Variants in DPP6 observed in about 807,000 individuals in gnomAD.
The protein encoded by DPP6 is dipeptidyl peptidase like 6.
Under a neutral mutation model 122.6 loss-of-function variants are expected in DPP6, and 69 were observed. That is an observed-to-expected ratio of 0.56 (90% CI 0.46 to 0.69). DPP6 has a LOEUF of 0.69. DPP6 is among the 30% of genes least tolerant of loss of function. The pLI, the probability that DPP6 is intolerant of heterozygous loss-of-function variation, is 0.00. For synonymous variants in DPP6, 418 were observed against 433.1 expected (o/e 0.97, Z 0.43); for missense variants, 928 against 1,116.9 (o/e 0.83, Z 2.41).
chr7:154,714,589 A>C (rs12672556), intron 7 of DPP6, among the ~76,000 whole-genome samples: 20,012 of 152,142 alleles, frequency 0.13, 1,637 homozygotes, highest in East Asian at 0.28. Context: ...TGTGAGAACT[A>C]ACTCACTATC....
In DPP6 at chr7:154,152,861, C is replaced by T. The variant is rs183642395; in HGVS notation, c.243+99798C>T. Among the ~76,000 whole-genome samples, 83 of 152,316 alleles carry T rather than the reference C, an allele frequency of 5.4e-4. No individual in the cohort carries two copies. The East Asian group carries it at 0.013, about 24-fold the overall frequency. ...AATCAGAAACAAGCCCTTGACTTGC[C>T]GGAGTTGGAAGACTGCAAGTACCTG... On this transcript the variant is annotated intron_variant, in intron 1 of 25. Transcript: ENST00000377770.
intron 1 of DPP6, among the ~76,000 whole-genome samples, chr7:154,137,545 G>A (rs1795617863): frequency 1.3e-5 from 2 of 150,936 alleles, no homozygotes; most frequent in Non-Finnish European, 2.9e-5. Context: ...TACACACATT[G>A]CAGAGCAGGC....
At chr7:154,014,452 C>G (rs1174128318) in intron 1 of DPP6, among the ~76,000 whole-genome samples, 1 of 150,496 alleles carries the variant, frequency 6.6e-6, no homozygotes, top group African/African-American at 2.5e-5. Flanking sequence ...GTCAGGAGTT[C>G]GAGACCAACC....
chr7:154,608,342 T>TATATATATATATATATA (rs59731169), intron 5 of DPP6, among the ~76,000 whole-genome samples: 50 of 127,374 alleles, frequency 3.9e-4, no homozygotes, highest in East Asian at 7.5e-4. Flanking sequence ...TATATATATA[T>TATATATATATATATATA]TTTGAGATGG....
intron 1 of DPP6, among the ~76,000 whole-genome samples, chr7:154,286,995 G>T (rs1804899255): frequency 6.6e-6 from 1 of 152,000 alleles, no homozygotes; most frequent in African/African-American, 2.4e-5. Flanking sequence ...TAGAGACAGG[G>T]GTTCACCATG....
chr7:154,032,397 G>A (rs1244219177), intron 1 of DPP6, among the ~76,000 whole-genome samples: 3 of 152,092 alleles, frequency 2.0e-5, no homozygotes, highest in Admixed American at 1.3e-4. Context: ...GTAGCAAAGC[G>A]TATTTATCCT....
intron 2 of DPP6, among the ~76,000 whole-genome samples, chr7:154,450,594 G>C (rs1356586886): frequency 6.6e-6 from 1 of 152,156 alleles, no homozygotes; most frequent in Non-Finnish European, 1.5e-5. Flanking sequence ...GCAGTCTCCT[G>C]CGTGAGCGAG....
intron 1 of DPP6, among the ~76,000 whole-genome samples, chr7:154,359,916 T>C (rs1811586987): frequency 6.6e-6 from 1 of 152,076 alleles, no homozygotes; most frequent in African/African-American, 2.4e-5. Context: ...TAGAACGCCG[T>C]AGGAAGGTAC....
intron 1 of DPP6, among the ~76,000 whole-genome samples, chr7:154,115,125 A>C (rs1806886464): frequency 6.6e-6 from 1 of 152,214 alleles, no homozygotes; most frequent in Non-Finnish European, 1.5e-5. Context: ...CACTGAGGGC[A>C]GGTTCCTGGC....
At chr7:154,070,879 T>TA (rs1803068674) in intron 1 of DPP6, among the ~76,000 whole-genome samples, 1 of 152,194 alleles carries the variant, frequency 6.6e-6, no homozygotes, top group African/African-American at 2.4e-5. Flanking sequence ...ATGGCATGAA[T>TA]AGCTGTTCTT....
chr7:154,365,968 A>AG (rs1356130799), intron 1 of DPP6, among the ~76,000 whole-genome samples: 1 of 149,256 alleles, frequency 6.7e-6, no homozygotes, highest in Non-Finnish European at 1.5e-5. Flanking sequence ...AAAAAAAAAA[A>AG]AAAAAAAAAA....
chr7:153,764,547 T>A, the DPP6 span, among the ~76,000 whole-genome samples: 1 of 151,966 alleles, frequency 6.6e-6, no homozygotes, highest in African/African-American at 2.4e-5. Flanking sequence ...CATCTGGTGA[T>A]GGGTCTCTCT....
chr7:154,227,215 G>GACACACAC (rs1554495537), intron 1 of DPP6, among the ~76,000 whole-genome samples: 2 of 141,354 alleles, frequency 1.4e-5, no homozygotes. Context: ...GAAAATGAGG[G>GACACACAC]ACACACACAC....
intron 16 of DPP6, among the ~76,000 whole-genome samples, chr7:154,829,034 A>G (rs1378785753): frequency 6.6e-6 from 1 of 152,316 alleles, no homozygotes; most frequent in East Asian, 1.9e-4. Flanking sequence ...ATTCACATTT[A>G]TATTTATATT....
chr7:153,995,127 A>G (rs1239995400), intron 1 of DPP6, among the ~76,000 whole-genome samples: 2 of 152,254 alleles, frequency 1.3e-5, no homozygotes, highest in Non-Finnish European at 2.9e-5. Context: ...TGCAGTTGCT[A>G]GAAGTAAACC....
chr7:153,986,658 G>GA (rs1408904093), intron 1 of DPP6, among the ~76,000 whole-genome samples: 1 of 152,172 alleles, frequency 6.6e-6, no homozygotes, highest in Non-Finnish European at 1.5e-5. Context: ...GTTTTAGCAG[G>GA]AATCGTTGGT....
At chr7:154,611,688 T>C (rs1403772059) in intron 5 of DPP6, among the ~76,000 whole-genome samples, 1 of 152,250 alleles carries the variant, frequency 6.6e-6, no homozygotes, top group Non-Finnish European at 1.5e-5. Flanking sequence ...CATTTTGGAA[T>C]AATTGGAGAC....
At chr7:154,326,704 AC>A (rs1808475609) in intron 1 of DPP6, among the ~76,000 whole-genome samples, 1 of 152,250 alleles carries the variant, frequency 6.6e-6, no homozygotes, top group Admixed American at 6.5e-5. Context: ...TATAGTTGTT[AC>A]ATAGAAATAA....
At chr7:153,911,453 G>C (rs1800089760) in intron 1 of DPP6, among the ~76,000 whole-genome samples, 3 of 152,142 alleles carry the variant, frequency 2.0e-5, no homozygotes, top group Admixed American at 2.0e-4. Flanking sequence ...GTCTTGTCTT[G>C]TTCACTTTTT....
Sources: allele counts gnomAD v4.1 joint callset (sites outside exome capture counted in the v4.1 genomes callset), GRCh38; gene constraint gnomAD v4.1.1; transcripts MANE v1.5; gene names NCBI Gene and HGNC (gene_info 2026-07-23, HGNC 2026-07-21).